FHIP1A: variants seen among roughly 807,000 people sequenced by gnomAD.
FHIP1A encodes FHF complex subunit HOOK interacting protein 1A, also known as FHF complex subunit HOOK-interacting protein 1A.
In FHIP1A, 61 loss-of-function variants were observed where a neutral mutation model predicts 88.6. The ratio of observed to expected loss-of-function variants is 0.69; its 90% CI spans 0.56 to 0.85. The LOEUF (loss-of-function observed/expected upper bound fraction) is 0.85, where lower values mean the gene tolerates loss of function less well. Among genes scored for constraint, FHIP1A ranks in the 40% least tolerant of loss-of-function variants. The pLI, the probability that FHIP1A is intolerant of heterozygous loss-of-function variation, is 0.00. For synonymous variants in FHIP1A, 478 were observed against 496.0 expected (o/e 0.96, Z 0.48); for missense variants, 1,154 against 1,273.5 (o/e 0.91, Z 1.43).
rs1473791711 is a variant in FHIP1A at position 151,579,087 on chromosome 4, G to A, written c.732+1011G>A. On this transcript the variant is annotated intron_variant, in intron 5 of 13. Coordinates refer to ENST00000435205, the MANE Select transcript of FHIP1A (RefSeq NM_001109977.3). ...TAAAAAGATCATTTTTTTCCCCTGA[G>A]CATTGGGGCAGGGTGAGGGATGAAT... is the stretch of plus-strand genomic sequence containing the variant. Among the ~76,000 whole-genome samples, 6 of 152,082 alleles carry A rather than the reference G, an allele frequency of 3.9e-5. No homozygotes were observed. The South Asian group carries it at 6.2e-4, about 16-fold the overall frequency.
At chr4:151,472,628 T>TG (rs1270759073) in intron 2 of FHIP1A, among the ~76,000 whole-genome samples, 2 of 151,642 alleles carry the variant, frequency 1.3e-5, no homozygotes, top group African/African-American at 2.4e-5. Flanking sequence ...TGCTGTTTTT[T>TG]TTTTTTTTTT....
At chr4:151,514,046 G>C (rs1012957150) in intron 3 of FHIP1A, among the ~76,000 whole-genome samples, 170 of 151,848 alleles carry the variant, frequency 1.1e-3, no homozygotes, top group African/African-American at 3.8e-3. Context: ...TGACCACATA[G>C]TTGGAAGTAA....
intron 1 of FHIP1A, among the ~76,000 whole-genome samples, chr4:151,416,355 A>G (rs1385477639): frequency 1.3e-5 from 2 of 151,898 alleles, no homozygotes; most frequent in East Asian, 1.9e-4. Flanking sequence ...AATATCTTCT[A>G]TTTTGTTTGT....
intron 1 of FHIP1A, among the ~76,000 whole-genome samples, chr4:151,424,078 C>T (rs1390312736): frequency 6.6e-6 from 1 of 152,174 alleles, no homozygotes; most frequent in African/African-American, 2.4e-5. Flanking sequence ...ATCTCTGTGC[C>T]TCTTTTTTTG....
chr4:151,577,392 ATGT>A, intron 4 of FHIP1A, 55 bp from the exon 5 acceptor site: 1 of 1,450,672 alleles, frequency 6.9e-7, no homozygotes, highest in Non-Finnish European at 9.2e-7. Flanking sequence ...CAGTGGTGAT[ATGT>A]TTTTGTAATT....
chr4:151,541,076 C>G (rs1238401745), intron 3 of FHIP1A, among the ~76,000 whole-genome samples: 2 of 152,212 alleles, frequency 1.3e-5, no homozygotes, highest in Non-Finnish European at 2.9e-5. Flanking sequence ...TTACTTTTCT[C>G]TAGGGTGTTC....
Position 151,501,941 on chromosome 4 carries a change from A to C in FHIP1A, c.-123+19293A>C, listed in dbSNP as rs140758718. On this transcript the variant is annotated intron_variant, in intron 3 of 13. Transcript: ENST00000435205. ...AAACAGAAATGGACAGAAACTATCT[A>C]TGAGAAAGTCCAAATATTAGACTTA... Among the ~76,000 whole-genome samples, 713 of 152,018 alleles carry C rather than the reference A, an allele frequency of 4.7e-3. 7 individuals carry two copies. The highest frequency in any genetic ancestry group is 8.3e-3 in the Non-Finnish European group (567 of 67,964).
In FHIP1A at chr4:151,539,438, C is replaced by G. The variant is rs910312121; in HGVS notation, c.-122-26700C>G. 5.3e-5 allele frequency among the ~76,000 whole-genome samples: 8 copies of G among 151,838 alleles called. No homozygotes were observed. The South Asian group carries it at 6.3e-4, about 12-fold the overall frequency. ...AATTAGCCGGGCATGATGGTGGGTG[C>G]CTCTAATCCCAGCTATTAGGAAGGC... is the stretch of plus-strand genomic sequence containing the variant. On this transcript the variant is annotated intron_variant, in intron 3 of 13. Transcript: ENST00000435205.
intron 3 of FHIP1A, among the ~76,000 whole-genome samples, chr4:151,547,940 T>C (rs1578737839): frequency 2.0e-5 from 3 of 151,668 alleles, no homozygotes; most frequent in African/African-American, 7.2e-5. Context: ...AAAAAAAAGA[T>C]TGTGGTGAGC....
At chr4:151,586,559 G>A in intron 5 of FHIP1A, 82 bp from the exon 6 acceptor site, 1 of 1,127,842 alleles carries the variant, frequency 8.9e-7, no homozygotes, top group Non-Finnish European at 1.3e-6. Flanking sequence ...GGGACCAGCA[G>A]CATTGGCATC....
intron 3 of FHIP1A, among the ~76,000 whole-genome samples, chr4:151,518,784 C>T (rs991543283): frequency 2.0e-5 from 3 of 151,704 alleles, no homozygotes; most frequent in African/African-American, 7.3e-5. Context: ...CTTAGCCTCC[C>T]GAATACCTGG....
At chr4:151,598,296 G>A (rs980591117) in intron 7 of FHIP1A, among the ~76,000 whole-genome samples, 2 of 152,092 alleles carry the variant, frequency 1.3e-5, no homozygotes, top group African/African-American at 2.4e-5. Flanking sequence ...CGAGTTCCCC[G>A]ACTCCTCGAG....
At position 151,539,562 on chromosome 4, in the gene FHIP1A, TAAAAAAAAAAAAAA is replaced by T. The variant is rs1215200409; in HGVS notation, c.-122-26565_-122-26552del. Among the ~76,000 whole-genome samples, 5 of 102,568 alleles carry T rather than the reference TAAAAAAAAAAAAAA, an allele frequency of 4.9e-5. 1 individual carries two copies. The highest frequency in any genetic ancestry group is 9.3e-3 in the Middle Eastern group (2 of 214). The allele number at this position is 102,568 out of a possible 152,430, so 67.3% of individuals were successfully genotyped here. The stretch of plus-strand genomic sequence containing the variant: ...CTGGGTGGCAGAGGGAGACTCTGTC[TAAAAAAAAAAAAAA>T]AAAAAAAAAATACAGTGGACGTTCT... On this transcript the variant is annotated intron_variant, in intron 3 of 13. Coordinates refer to ENST00000435205, the MANE Select transcript of FHIP1A (RefSeq NM_001109977.3).
At chr4:151,622,177 G>A (rs1013102498) in intron 7 of FHIP1A, among the ~76,000 whole-genome samples, 10 of 152,190 alleles carry the variant, frequency 6.6e-5, no homozygotes, top group East Asian at 1.9e-4. Flanking sequence ...GGAACTGACA[G>A]CCTAGAAAAG....
intron 4 of FHIP1A, among the ~76,000 whole-genome samples, chr4:151,576,195 T>C (rs999034262): frequency 6.6e-6 from 1 of 152,156 alleles, no homozygotes; most frequent in African/African-American, 2.4e-5. Flanking sequence ...ATGCTAGCAG[T>C]GGGAAAGGAG....
chr4:151,553,241 G>C (rs1321145174), intron 3 of FHIP1A, among the ~76,000 whole-genome samples: 1 of 151,924 alleles, frequency 6.6e-6, no homozygotes, highest in Non-Finnish European at 1.5e-5. Context: ...AATATCACAT[G>C]GTTTTATATT....
chr4:151,641,526 T>A (rs1378076336), intron 9 of FHIP1A, among the ~76,000 whole-genome samples: 1 of 152,254 alleles, frequency 6.6e-6, no homozygotes, highest in Non-Finnish European at 1.5e-5. Context: ...TAAAACATTA[T>A]GAGATTTTTT....
At chr4:151,505,537 G>A (rs1397018224) in intron 3 of FHIP1A, among the ~76,000 whole-genome samples, 3 of 152,150 alleles carry the variant, frequency 2.0e-5, no homozygotes, top group African/African-American at 7.2e-5. Flanking sequence ...TTCAGAAGGG[G>A]ACAGCAATCT....
chr4:151,426,515 G>A (rs1042645832), intron 1 of FHIP1A, among the ~76,000 whole-genome samples: 1 of 152,104 alleles, frequency 6.6e-6, no homozygotes. Context: ...ATGACCTGAG[G>A]TTTAAATAGG....
Sources: allele counts gnomAD v4.1 joint callset (sites outside exome capture counted in the v4.1 genomes callset), GRCh38; gene constraint gnomAD v4.1.1; transcripts MANE v1.5; gene names NCBI Gene and HGNC (gene_info 2026-07-23, HGNC 2026-07-21).